Variants in DLST observed in about 807,000 individuals in gnomAD.
The protein encoded by DLST is dihydrolipoamide S-succinyltransferase.
In DLST, 17 loss-of-function variants were observed where a neutral mutation model predicts 53.1. The observed-to-expected ratio is 0.32, with a 90% CI of 0.22 to 0.48. The LOEUF (loss-of-function observed/expected upper bound fraction) is 0.48, where lower values mean the gene tolerates loss of function less well. Ranked by LOEUF, DLST falls within the 20% of genes least tolerant of loss-of-function variation. The pLI, the probability that DLST is intolerant of heterozygous loss-of-function variation, is 0.99. For missense variants in DLST, 512 were observed against 583.9 expected (o/e 0.88, Z 1.27); for synonymous variants, 206 against 204.8 (o/e 1.01, Z -0.05).
At chr14:74,885,964 G>A (rs753497683) in intron 3 of DLST, 9 of 231,842 alleles carry the variant, frequency 3.9e-5, no homozygotes, top group African/African-American at 1.4e-4. Flanking sequence ...TGAAAGGCTC[G>A]AGGTTACATT....
intron 2 of DLST, 58 bp from the exon 3 acceptor site, chr14:74,885,528 A>G: frequency 6.4e-7 from 1 of 1,570,316 alleles, no homozygotes; most frequent in Non-Finnish European, 8.8e-7. Context: ...TTCCATTCCC[A>G]GCATGTATCC....
chr14:74,892,794 T>C, intron 7 of DLST, 40 bp from the exon 8 acceptor site: 2 of 1,548,900 alleles, frequency 1.3e-6, no homozygotes, highest in Non-Finnish European at 1.7e-6. Context: ...GCTTCTCATT[T>C]CAGACAGTGC....
intron 11 of DLST, among the ~76,000 whole-genome samples, 179 bp from the exon 12 acceptor site, chr14:74,899,744 C>T (rs731952): frequency 0.32 from 47,891 of 151,948 alleles, 7,721 homozygotes; most frequent in African/African-American, 0.33. Flanking sequence ...AGATACTATA[C>T]TTGGGATGGG....
At chr14:74,891,015 G>T (rs770394488) in intron 6 of DLST, 41 bp from the exon 7 acceptor site, 4 of 1,591,150 alleles carry the variant, frequency 2.5e-6, no homozygotes, top group Non-Finnish European at 3.4e-6. Context: ...TCTAATGCTG[G>T]ATAAACATTT....
chr14:74,891,152 C>G lies in DLST; in HGVS notation c.427C>G (p.Leu143Val), dbSNP rs754264880. 3.1e-6 allele frequency: 5 copies of G among 1,614,026 alleles called. No individual in the cohort carries two copies. The African/African-American group carries it at 5.3e-5, about 17-fold the overall frequency. The change falls in exon 7 of 15, where the codon CTC (leucine) becomes GTC (valine). Residue 143 changes from leucine (L) to valine (V), a missense_variant. Transcript: ENST00000334220. ...KVEGGTPLFT[L>V]RKTGAAPAKA... ...CGAAGGAGGCACTCCACTTTTCACA[C>G]TCAGGAAAACTGGTGGTAAAGAAGT...
intron 2 of DLST, among the ~76,000 whole-genome samples, chr14:74,883,426 A>G (rs10150909): frequency 0.083 from 12,594 of 152,242 alleles, 665 homozygotes; most frequent in African/African-American, 0.14. Context: ...TAAGAGCTGG[A>G]AAAAAGGTGA....
At position 74,891,206 on chromosome 14, in the gene DLST, C is replaced by G. The variant is rs199817745; in HGVS notation, c.442+39C>G. ...CCTGGTGGTCAAGGTCTCCAGTGTT[C>G]CCTCTTGGGATTGGGACTGAGCATA... On this transcript the variant is annotated intron_variant, in intron 7 of 14. Coordinates refer to ENST00000334220, the MANE Select transcript of DLST (RefSeq NM_001933.5). 2.4e-5 allele frequency: 38 copies of G among 1,613,478 alleles called. No homozygotes were observed. The East Asian group carries it at 7.8e-4, about 33-fold the overall frequency.
intron 3 of DLST, among the ~76,000 whole-genome samples, chr14:74,887,714 C>CA (rs1883756701): frequency 6.6e-6 from 1 of 152,220 alleles, no homozygotes; most frequent in African/African-American, 2.4e-5. Context: ...GGATGACTTG[C>CA]AGAGCAGCCT....
intron 3 of DLST, among the ~76,000 whole-genome samples, chr14:74,886,490 T>TTGTTTTTTG (rs1883709886): frequency 6.6e-6 from 1 of 151,512 alleles, no homozygotes; most frequent in Admixed American, 6.6e-5. Flanking sequence ...CCATGCCCGG[T>TTGTTTTTTG]TGTTTTTTGT....
At chr14:74,883,255 A>C (rs1883592880) in intron 2 of DLST, among the ~76,000 whole-genome samples, 1 of 150,010 alleles carries the variant, frequency 6.7e-6, no homozygotes, top group Non-Finnish European at 1.5e-5. Flanking sequence ...AGTTCGCGCC[A>C]CTGCACTCCA....
chr14:74,892,737 G>A, intron 7 of DLST, 97 bp from the exon 8 acceptor site: 1 of 1,248,750 alleles, frequency 8.0e-7, no homozygotes, highest in Non-Finnish European at 1.1e-6. Context: ...GTAGACATTC[G>A]TTACTTGATT....
intron 12 of DLST, 88 bp from the exon 13 acceptor site, chr14:74,900,201 G>C (rs1360544115): frequency 8.1e-7 from 1 of 1,239,818 alleles, no homozygotes; most frequent in East Asian, 2.3e-5. Context: ...ATTCTAGGGA[G>C]GGCATACCAT....
intron 9 of DLST, 39 bp downstream of exon 9, chr14:74,893,463 G>C: frequency 6.2e-7 from 1 of 1,611,212 alleles, no homozygotes; most frequent in East Asian, 2.2e-5. Context: ...AGAGGCAGGG[G>C]GCAGTGTTGA....
chr14:74,893,320 T>C, intron 8 of DLST, 28 bp from the exon 9 acceptor site: 1 of 1,613,600 alleles, frequency 6.2e-7, no homozygotes. Context: ...CCTTGTCTGA[T>C]GCAGCTTTAT....
chr14:74,893,046 A>G (rs1883964501), intron 8 of DLST, 60 bp downstream of exon 8: 26 of 1,545,066 alleles, frequency 1.7e-5, no homozygotes, highest in Non-Finnish European at 2.1e-5. Context: ...TGTTCCTTCA[A>G]AGGGTAAACT....
At chr14:74,898,089 T>A (rs1884128213) in intron 10 of DLST, among the ~76,000 whole-genome samples, 1 of 152,196 alleles carries the variant, frequency 6.6e-6, no homozygotes, top group South Asian at 2.1e-4. Flanking sequence ...CTCTTGTTCA[T>A]ATGATGTGTC....
At chr14:74,885,500 TG>T in intron 2 of DLST, 85 bp from the exon 3 acceptor site, 1 of 1,317,426 alleles carries the variant, frequency 7.6e-7, no homozygotes, top group Non-Finnish European at 1.1e-6. Flanking sequence ...GTCTCAGGGT[TG>T]GGGGTGAGCA....
intron 6 of DLST, 57 bp downstream of exon 6, chr14:74,890,009 T>C: frequency 1.3e-6 from 2 of 1,510,762 alleles, no homozygotes; most frequent in East Asian, 2.3e-5. Flanking sequence ...GTTAACCTAA[T>C]GAAAGAAACA....
intron 10 of DLST, among the ~76,000 whole-genome samples, chr14:74,895,312 G>A (rs142900852): frequency 6.6e-6 from 1 of 152,286 alleles, no homozygotes; most frequent in Non-Finnish European, 1.5e-5. Context: ...TAATTCACTA[G>A]GTATGCCCAT....
Sources: allele counts gnomAD v4.1 joint callset (sites outside exome capture counted in the v4.1 genomes callset), GRCh38; gene constraint gnomAD v4.1.1; transcripts MANE v1.5; gene names NCBI Gene and HGNC (gene_info 2026-07-23, HGNC 2026-07-21).